Variants in BARX2 observed in about 807,000 individuals in gnomAD.
BARX2 encodes homeobox protein BarH-like 2.
A neutral mutation model predicts 25.5 loss-of-function variants in BARX2; 11 were observed. That is an observed-to-expected ratio of 0.43 (90% CI 0.27 to 0.71). BARX2 has a LOEUF of 0.71. BARX2 is among the 30% of genes least tolerant of loss of function. The probability of loss-of-function intolerance (pLI) is 0.19; values close to 1 mark genes in which losing one functional copy is unlikely to be tolerated. For missense variants in BARX2, 360 were observed against 359.9 expected (o/e 1.00, Z 0.00); for synonymous variants, 137 against 149.5 (o/e 0.92, Z 0.61).
At chr11:129,411,341 A>T (rs2135398319) in intron 1 of BARX2, among the ~76,000 whole-genome samples, 1 of 147,890 alleles carries the variant, frequency 6.8e-6, no homozygotes. Context: ...ACTGCACTCC[A>T]GCCTGGGTGA....
intron 3 of BARX2, 95 bp downstream of exon 3, chr11:129,443,014 G>A (rs1862281697): frequency 2.6e-6 from 3 of 1,161,240 alleles, no homozygotes; most frequent in South Asian, 2.6e-5. Context: ...TGGCAGTTTG[G>A]GCTGCAGAGA....
At position 129,390,903 on chromosome 11, in the gene BARX2, T is replaced by C. The variant is rs1861659603; in HGVS notation, c.187+14681T>C. Among the ~76,000 whole-genome samples, 1 of 152,206 alleles carries C rather than the reference T, an allele frequency of 6.6e-6. No homozygotes were observed. The highest frequency in any genetic ancestry group is 2.4e-5 in the African/African-American group (1 of 41,446). ...ATTCATGCAGTGGCGCACAGAAAAT[T>C]GTGTGTACTTGACGCACAGGCGGTG... On this transcript the variant is annotated intron_variant, in intron 1 of 3. Transcript: ENST00000281437. The surrounding 1 kb of genome is among the most constrained non-coding windows in gnomAD (Gnocchi z 4.3).
chr11:129,437,226 A>C (rs1214411484), intron 2 of BARX2, 175 bp downstream of exon 2: 2 of 723,044 alleles, frequency 2.8e-6, no homozygotes, highest in Non-Finnish European at 4.1e-6. Context: ...GCCCACATGA[A>C]TCCACCACAC....
Position 129,449,441 on chromosome 11 carries a change from C to T in BARX2, c.574-1695C>T, listed in dbSNP as rs944371862. Among the ~76,000 whole-genome samples, 19 of 152,240 alleles carry T rather than the reference C, an allele frequency of 1.2e-4. No homozygotes were observed. The South Asian group carries it at 1.5e-3, about 12-fold the overall frequency. On this transcript the variant is annotated intron_variant, in intron 3 of 3. Coordinates refer to ENST00000281437, the MANE Select transcript of BARX2 (RefSeq NM_003658.5). ...AAGATTAGGCTAGGTTTATAAATAG[C>T]GAAAATATCTCCCACCCCTAATCAT...
At chr11:129,382,912 G>A (rs145406762) in intron 1 of BARX2, among the ~76,000 whole-genome samples, 1 of 152,324 alleles carries the variant, frequency 6.6e-6, no homozygotes, top group Non-Finnish European at 1.5e-5. Flanking sequence ...GAGGGCATTC[G>A]TGCAAAGACT....
intron 1 of BARX2, among the ~76,000 whole-genome samples, chr11:129,380,074 A>G (rs1861545063): frequency 6.6e-6 from 1 of 151,868 alleles, no homozygotes; most frequent in Admixed American, 6.6e-5. Context: ...GCAAAGTGCC[A>G]GGGTCACGTC....
chr11:129,389,764 G>C (rs144495795), intron 1 of BARX2, among the ~76,000 whole-genome samples: 1 of 144,102 alleles, frequency 6.9e-6, no homozygotes, highest in Non-Finnish European at 1.5e-5. Context: ...TCTTATTTTC[G>C]AGCACTGAGA....
chr11:129,432,196 G>A (rs1483092509), intron 1 of BARX2, among the ~76,000 whole-genome samples: 2 of 152,016 alleles, frequency 1.3e-5, no homozygotes, highest in Non-Finnish European at 2.9e-5. Flanking sequence ...ACAAGTAGCT[G>A]GGATTACAGG....
intron 1 of BARX2, among the ~76,000 whole-genome samples, chr11:129,395,701 T>A (rs1861713342): frequency 6.6e-6 from 1 of 151,970 alleles, no homozygotes. Flanking sequence ...TGCCTGGGGG[T>A]GGGTTTTGAC....
intron 1 of BARX2, among the ~76,000 whole-genome samples, chr11:129,403,857 T>C (rs1269675115): frequency 6.6e-6 from 1 of 152,140 alleles, no homozygotes; most frequent in East Asian, 1.9e-4. Flanking sequence ...AGTAGATAGA[T>C]GGGACTACAG....
intron 1 of BARX2, among the ~76,000 whole-genome samples, chr11:129,386,718 C>T (rs555422793): frequency 7.2e-5 from 11 of 152,310 alleles, no homozygotes; most frequent in African/African-American, 2.6e-4. Flanking sequence ...GCAAAGTAGT[C>T]CCAATTTAGA....
At chr11:129,383,086 T>C (rs1003234447) in intron 1 of BARX2, among the ~76,000 whole-genome samples, 4 of 152,212 alleles carry the variant, frequency 2.6e-5, no homozygotes, top group African/African-American at 9.6e-5. Flanking sequence ...TTGTACAAAC[T>C]TGGTGGCATT....
chr11:129,438,773 G>A (rs189724402), intron 2 of BARX2, among the ~76,000 whole-genome samples: 1 of 152,318 alleles, frequency 6.6e-6, no homozygotes, highest in East Asian at 1.9e-4. Flanking sequence ...GAACAAAGAC[G>A]CAGCAAGCCA....
At chr11:129,384,537 G>A (rs573508609) in intron 1 of BARX2, among the ~76,000 whole-genome samples, 6 of 152,276 alleles carry the variant, frequency 3.9e-5, no homozygotes, top group South Asian at 2.1e-4. Context: ...TCACAGTCTC[G>A]TGTGGATTGA....
intron 2 of BARX2, chr11:129,437,573 A>AAATGGTTCTGACTT: frequency 1.1e-6 from 1 of 939,672 alleles, no homozygotes; most frequent in Non-Finnish European, 1.3e-6. Flanking sequence ...ATGTCAAGTC[A>AAATGGTTCTGACTT]GAACCATTTG....
chr11:129,418,808 A>G (rs2135402185), intron 1 of BARX2, among the ~76,000 whole-genome samples: 1 of 152,320 alleles, frequency 6.6e-6, no homozygotes, highest in East Asian at 1.9e-4. Context: ...ACTATGTTGG[A>G]ATGCACATCA....
At chr11:129,407,429 C>T (rs1861843006) in intron 1 of BARX2, among the ~76,000 whole-genome samples, 1 of 152,144 alleles carries the variant, frequency 6.6e-6, no homozygotes, top group South Asian at 2.1e-4. Flanking sequence ...CTCTCAATAC[C>T]CTCTTTTGCA....
intron 1 of BARX2, among the ~76,000 whole-genome samples, chr11:129,411,451 G>A (rs1465943165): frequency 1.3e-5 from 2 of 151,790 alleles, no homozygotes. Flanking sequence ...AAGAAGTTAT[G>A]CTCAGCAAAT....
At chr11:129,438,818 G>T (rs999908213) in intron 2 of BARX2, among the ~76,000 whole-genome samples, 1 of 152,192 alleles carries the variant, frequency 6.6e-6, no homozygotes, top group African/African-American at 2.4e-5. Context: ...AGTGCAGTAG[G>T]AACACAGGAT....
Sources: gnomAD v4.1 joint callset for allele counts (sites outside exome capture counted in the v4.1 genomes callset) on GRCh38, gnomAD v4.1.1 for gene constraint, Gnocchi (gnomAD v3.1) non-coding constraint, MANE v1.5 for transcripts, NCBI Gene and HGNC (gene_info 2026-07-23, HGNC 2026-07-21) for gene names.